Variants in DPY19L1 observed in about 807,000 individuals in gnomAD.
DPY19L1 encodes dpy-19 like C-mannosyltransferase 1.
DPY19L1 carries 35 observed loss-of-function variants against 96.9 expected under a neutral mutation model. That is an observed-to-expected ratio of 0.36 (90% CI 0.28 to 0.48). The LOEUF is 0.48. DPY19L1 is among the 20% of genes least tolerant of loss of function. DPY19L1 has a pLI of 0.99. For synonymous variants in DPY19L1, 205 were observed against 252.6 expected (o/e 0.81, Z 1.79); for missense variants, 521 against 777.9 (o/e 0.67, Z 3.93).
chr7:34,983,267 T>A (rs1784978606), intron 7 of DPY19L1, among the ~76,000 whole-genome samples: 3 of 152,012 alleles, frequency 2.0e-5, no homozygotes, highest in Non-Finnish European at 2.9e-5. Flanking sequence ...ACATGCAAAG[T>A]AGCAGGAAAA....
chr7:34,942,256 A>C (rs1649216), intron 17 of DPY19L1, among the ~76,000 whole-genome samples: 77,773 of 151,676 alleles, frequency 0.51, 20,311 homozygotes, highest in Admixed American at 0.64. Flanking sequence ...CAGACTGGAC[A>C]ACTAGGAGAT....
At position 34,952,981 on chromosome 7, in the gene DPY19L1, T is replaced by A. The variant is rs186464029; in HGVS notation, c.1320+1717A>T. 6.2e-3 allele frequency among the ~76,000 whole-genome samples: 937 copies of A among 152,082 alleles called. 6 individuals are homozygous for A. Among genetic ancestry groups the A allele is most frequent in the African/African-American group, 0.021 (876 of 41,478 alleles). ...CCCATCCACCTCAGCACCACCCCCA[T>A]CTCCCCCATACTGTTAGTCCAACAG... On this transcript the variant is annotated intron_variant, in intron 13 of 21. Transcript: ENST00000638088.
At position 34,973,513 on chromosome 7, in the gene DPY19L1, C is replaced by A; in HGVS notation, c.914+1G>T. ...AAGAAATAAGGTTAAGTCAAAGTTACCTGAGAATATGAGTCACTAGCAACA... is the reference window on the plus strand; with the variant it reads ...AAGAAATAAGGTTAAGTCAAAGTTAACTGAGAATATGAGTCACTAGCAACA... On this transcript the variant is annotated splice_donor_variant, in intron 8 of 21. Coordinates refer to ENST00000638088, the MANE Select transcript of DPY19L1 (RefSeq NM_001366673.1). LOFTEE classifies it high-confidence loss of function. The A allele has an allele frequency of 6.7e-7, 1 of 1,500,290 alleles. No homozygotes were observed. Among genetic ancestry groups the A allele is most frequent in the Non-Finnish European group, 8.9e-7 (1 of 1,125,862 alleles). 92.9% of individuals were successfully genotyped at this position (1,500,290 alleles called of 1,614,324 possible).
Position 34,949,866 on chromosome 7 carries a change from G to T in DPY19L1, c.1353C>A (p.Phe451Leu). The stretch of plus-strand genomic sequence containing the variant: ...AAGTATCAAAATCCTTATAACTAAA[G>T]AATTTTGATGTTAGTAAGTTGCCAA... ...AHIGNLLTSK[F>L]FSYKDFDTLL... The change falls in exon 14 of 22, where the codon TTC (phenylalanine) becomes TTA (leucine). Residue 451 changes from phenylalanine to leucine, a missense_variant. Phe to Leu is a conservative substitution (Grantham distance 22). Coordinates refer to ENST00000638088, the MANE Select transcript of DPY19L1 (RefSeq NM_001366673.1). 1 of 1,599,284 alleles carries T rather than the reference G, an allele frequency of 6.3e-7. No homozygotes were observed. The highest frequency in any genetic ancestry group is 8.5e-7 in the Non-Finnish European group (1 of 1,173,554).
At chr7:34,934,627 G>A (rs1169877613) in intron 21 of DPY19L1, among the ~76,000 whole-genome samples, 1 of 152,158 alleles carries the variant, frequency 6.6e-6, no homozygotes, top group East Asian at 1.9e-4. Context: ...CCATGGGCTG[G>A]AGGGTGGGGG....
At chr7:34,969,679 T>C (rs1171670765) in intron 8 of DPY19L1, 147 bp from the exon 9 acceptor site, 1 of 432,888 alleles carries the variant, frequency 2.3e-6, no homozygotes, top group Non-Finnish European at 4.1e-6. Flanking sequence ...TTAGAAATTA[T>C]ACCTCCTGAT....
At chr7:35,021,009 C>T (rs1477352262) in intron 1 of DPY19L1, among the ~76,000 whole-genome samples, 1 of 152,152 alleles carries the variant, frequency 6.6e-6, no homozygotes, top group African/African-American at 2.4e-5. Flanking sequence ...ACACCCGGCC[C>T]TAATTCTTCA....
Position 34,949,822 on chromosome 7 carries a change from G to A in DPY19L1, c.1397C>T (p.Ala466Val), listed in dbSNP as rs200207679. 7.9e-5 allele frequency: 127 copies of A among 1,602,238 alleles called. No individual in the cohort carries two copies. The highest frequency in any genetic ancestry group is 2.1e-4 in the South Asian group (19 of 88,580). Residue 466 changes from alanine (A) to valine (V), a missense_variant, in exon 14 of 22, where the codon GCG (alanine) becomes GTG (valine). By Grantham distance (64) the Ala-to-Val change is moderately conservative. Coordinates refer to ENST00000638088, the MANE Select transcript of DPY19L1 (RefSeq NM_001366673.1). ...DFDTLLYTCAAEFDFMEKETP... is the reference protein window; with the variant it reads ...DFDTLLYTCAVEFDFMEKETP... The stretch of plus-strand genomic sequence containing the variant: ...CTCTTTTTCCATAAAGTCAAACTCC[G>A]CTGCACAGGTATACAATAAAGTATC...
chr7:34,957,156 G>A (rs58120002), intron 11 of DPY19L1, among the ~76,000 whole-genome samples: 29,892 of 151,888 alleles, frequency 0.2, 3,321 homozygotes, highest in Admixed American at 0.36. Context: ...GCCGAGGTGG[G>A]CAGATCACCT....
chr7:34,967,432 A>T (rs950919240), intron 9 of DPY19L1, among the ~76,000 whole-genome samples: 15 of 152,220 alleles, frequency 9.9e-5, no homozygotes, highest in African/African-American at 3.6e-4. Context: ...AAGTATCTCC[A>T]TTAATGTTCT....
Position 35,010,696 on chromosome 7 carries a change from T to G in DPY19L1, c.671-135A>C, listed in dbSNP as rs897191470. On this transcript the variant is annotated intron_variant, in intron 5 of 21. Coordinates refer to ENST00000638088, the MANE Select transcript of DPY19L1 (RefSeq NM_001366673.1). ...TTAAATAGCTGCCTTGGTTCCCACATGAAAACACAACACTACTGCAGAACA... is the reference window on the plus strand; with the variant it reads ...TTAAATAGCTGCCTTGGTTCCCACAGGAAAACACAACACTACTGCAGAACA... The G allele has an allele frequency of 1.7e-5, 11 of 663,910 alleles. No homozygotes were observed. The African/African-American group carries it at 2.0e-4, about 12-fold the overall frequency. 41.1% of individuals were successfully genotyped at this position (663,910 alleles called of 1,614,324 possible). A position where few individuals can be genotyped will look rare whatever the true frequency, so the allele number is the denominator to read the frequency against.
intron 15 of DPY19L1, 73 bp downstream of exon 15, chr7:34,947,557 A>C: frequency 7.8e-7 from 1 of 1,288,958 alleles, no homozygotes; most frequent in Non-Finnish European, 1.1e-6. Flanking sequence ...AATGTGGCCA[A>C]GTATATGCGA....
chr7:35,002,784 T>C (rs1199755479), intron 6 of DPY19L1, among the ~76,000 whole-genome samples: 2 of 152,206 alleles, frequency 1.3e-5, no homozygotes, highest in Non-Finnish European at 2.9e-5. Context: ...CTTTTCTTCT[T>C]TTGAGACGGA....
At chr7:35,002,946 T>A (rs1409902879) in intron 6 of DPY19L1, among the ~76,000 whole-genome samples, 2 of 152,140 alleles carry the variant, frequency 1.3e-5, no homozygotes, top group Admixed American at 1.3e-4. Context: ...TTTTTTTGTA[T>A]TTTTTAGTAG....
chr7:34,992,914 A>G (rs1785204753), intron 6 of DPY19L1, among the ~76,000 whole-genome samples: 1 of 152,192 alleles, frequency 6.6e-6, no homozygotes, highest in African/African-American at 2.4e-5. Context: ...TATTCCTGCT[A>G]AAAATGTCTC....
At chr7:35,036,222 C>A (rs1487524968) in intron 1 of DPY19L1, among the ~76,000 whole-genome samples, 1 of 152,066 alleles carries the variant, frequency 6.6e-6, no homozygotes, top group Non-Finnish European at 1.5e-5. Flanking sequence ...GATAAATCAA[C>A]AGTAATTAAA....
chr7:35,010,883 T>C (rs1562825872), intron 5 of DPY19L1, among the ~76,000 whole-genome samples: 1 of 152,260 alleles, frequency 6.6e-6, no homozygotes, highest in East Asian at 1.9e-4. Flanking sequence ...CTATGTGACT[T>C]CTGAGGCTAG....
rs1293856127 is a variant in DPY19L1 at position 34,968,525 on chromosome 7, C to T, written c.1014+908G>A. On this transcript the variant is annotated intron_variant, in intron 9 of 21. Transcript: ENST00000638088. ...GTGGCTCACGCCTGTAATCGCAGCA[C>T]TTTGGGAGGCCAAAGCGGGTGGATC... Among the ~76,000 whole-genome samples, 3 of 152,240 alleles carry T rather than the reference C, an allele frequency of 2.0e-5. No homozygotes were observed. The East Asian group carries it at 5.8e-4, about 29-fold the overall frequency.
intron 13 of DPY19L1, among the ~76,000 whole-genome samples, chr7:34,951,939 C>G (rs1031852008): frequency 6.6e-6 from 1 of 151,466 alleles, no homozygotes; most frequent in Non-Finnish European, 1.5e-5. Flanking sequence ...AAAACACCAA[C>G]ACTGGCACAA....
Sources: allele counts gnomAD v4.1 joint callset (sites outside exome capture counted in the v4.1 genomes callset), GRCh38; gene constraint gnomAD v4.1.1; transcripts MANE v1.5; gene names NCBI Gene and HGNC (gene_info 2026-07-23, HGNC 2026-07-21).